LARP4: variants seen among roughly 807,000 people sequenced by gnomAD.
LARP4 encodes the protein La ribonucleoprotein 4.
In LARP4, 29 loss-of-function variants were observed where a neutral mutation model predicts 92.9. That is an observed-to-expected ratio of 0.31 (90% CI 0.23 to 0.43). LARP4 has a LOEUF of 0.43. Ranked by LOEUF, LARP4 falls within the 20% of genes least tolerant of loss-of-function variation. LARP4 has a pLI of 1.00. For missense variants in LARP4, 732 were observed against 860.0 expected (o/e 0.85, Z 1.86); for synonymous variants, 279 against 284.1 (o/e 0.98, Z 0.18).
chr12:50,437,785 C>T lies in LARP4; in HGVS notation c.586C>T (p.His196Tyr). Residue 196 changes from histidine (H) to tyrosine (Y), a missense_variant, in exon 6 of 16, where the codon CAT becomes TAT. His to Tyr is a moderately conservative substitution (Grantham distance 83). Around this residue, in one of 7 missense-constraint regions of LARP4, gnomAD observed 236 missense variants for 307.6 expected, o/e 0.77. Transcript: ENST00000398473. The stretch of plus-strand genomic sequence containing the variant: ...GAAGGGTGAGAAAGTGAGACCAAGT[C>T]ATAAGCGTTGTATTGTAATTCTTAG... Reference protein sequence around the residue: ...DEKGEKVRPSHKRCIVILREI... With the variant: ...DEKGEKVRPSYKRCIVILREI... The T allele has an allele frequency of 6.2e-7, 1 of 1,611,912 alleles. No individual in the cohort carries two copies. Among genetic ancestry groups the T allele is most frequent in the Non-Finnish European group, 8.5e-7 (1 of 1,178,412 alleles).
In LARP4 at chr12:50,461,199, G is replaced by C. The variant is rs376206501; in HGVS notation, c.1186G>C (p.Gly396Arg). Residue 396 changes from glycine (G) to arginine (R), a missense_variant, in exon 11 of 16, where the codon GGG (glycine) becomes CGG (arginine). This residue lies in a region of LARP4 where 264 missense variants were observed against 269.5 expected (regional missense o/e 0.98). Coordinates refer to ENST00000398473, the MANE Select transcript of LARP4 (RefSeq NM_052879.5). ...CTCAACAGAGGGCTCTGTATCCTTG[G>C]GGGATGGACAGTTGAACAGATATAG... ...EHSTEGSVSLGDGQLNRYSSR... is the reference protein window; with the variant it reads ...EHSTEGSVSLRDGQLNRYSSR... The C allele has an allele frequency of 1.3e-5, 21 of 1,614,054 alleles. No individual in the cohort carries two copies. Among genetic ancestry groups the C allele is most frequent in the Non-Finnish European group, 1.8e-5 (21 of 1,180,004 alleles).
intron 12 of LARP4, among the ~76,000 whole-genome samples, chr12:50,466,673 A>G (rs1187458736): frequency 3.3e-5 from 5 of 152,286 alleles, no homozygotes; most frequent in African/African-American, 1.2e-4. Context: ...AAGAAGGCAT[A>G]GCAAATTATG....
chr12:50,458,217 A>C (rs1954682657), intron 10 of LARP4, among the ~76,000 whole-genome samples: 1 of 151,826 alleles, frequency 6.6e-6, no homozygotes, highest in Non-Finnish European at 1.5e-5. Flanking sequence ...GGGGTTACAG[A>C]TATGAGCCAC....
chr12:50,470,219 TCA>T (rs768354273), intron 13 of LARP4, among the ~76,000 whole-genome samples: 21 of 4,560 alleles, frequency 4.6e-3, no homozygotes, highest in Non-Finnish European at 0.016. Flanking sequence ...GCAACCTGTC[TCA>T]AAAAAAAAAA....
At chr12:50,460,149 A>AAG (rs1565709379) in intron 10 of LARP4, among the ~76,000 whole-genome samples, 27 of 152,006 alleles carry the variant, frequency 1.8e-4, no homozygotes, top group African/African-American at 6.3e-4. Flanking sequence ...AAAAAAAAAA[A>AAG]AAGAAGAAGA....
At position 50,473,662 on chromosome 12, in the gene LARP4, T is replaced by A. The variant is rs551044090; in HGVS notation, c.1667+126T>A. On this transcript the variant is annotated intron_variant, in intron 14 of 15. Transcript: ENST00000398473. ...AGGTGAATCACCTGAGGTCGGGAGTTCAAGACCAGTCTGGCCAACATGGTG... is the reference window on the plus strand; with the variant it reads ...AGGTGAATCACCTGAGGTCGGGAGTACAAGACCAGTCTGGCCAACATGGTG... The A allele has an allele frequency of 4.6e-5, 40 of 876,132 alleles. 1 individual carries two copies. The Admixed American group carries it at 1.1e-3, about 23-fold the overall frequency. The allele number at this position is 876,132 out of a possible 1,614,324, so 54.3% of individuals were successfully genotyped here. A position where few individuals can be genotyped will look rare whatever the true frequency, so the allele number is the denominator to read the frequency against.
At chr12:50,440,583 C>A in intron 7 of LARP4, 34 bp downstream of exon 7, 1 of 1,402,040 alleles carries the variant, frequency 7.1e-7, no homozygotes. Flanking sequence ...ACAAGTCCAT[C>A]CTAGTGGCAA....
At chr12:50,404,322 C>T (rs1488040031) in intron 1 of LARP4, among the ~76,000 whole-genome samples, 1 of 152,174 alleles carries the variant, frequency 6.6e-6, no homozygotes, top group Non-Finnish European at 1.5e-5. Context: ...CAACCACCTA[C>T]TTGTATTGGA....
intron 13 of LARP4, among the ~76,000 whole-genome samples, chr12:50,471,550 G>A (rs1193626682): frequency 6.6e-6 from 1 of 152,194 alleles, no homozygotes; most frequent in Non-Finnish European, 1.5e-5. Context: ...TTGAGATGGA[G>A]TGTCGCTCTG....
intron 10 of LARP4, among the ~76,000 whole-genome samples, chr12:50,457,298 C>G: frequency 6.6e-6 from 1 of 151,052 alleles, no homozygotes; most frequent in African/African-American, 2.4e-5. Flanking sequence ...CGTCCGTCTC[C>G]CGGGTTCAAG....
At chr12:50,475,471 T>C in intron 15 of LARP4, 55 bp from the exon 16 acceptor site, 7 of 1,394,182 alleles carry the variant, frequency 5.0e-6, no homozygotes, top group Non-Finnish European at 6.9e-6. Flanking sequence ...ATTTTTATAC[T>C]TTATAATTTA....
In LARP4 at chr12:50,475,967, A is replaced by C; in HGVS notation, c.*103A>C. ...GGGAGGGGGTAGCCAGGAAGGAAACAAGAGAAAGTACGTCCATTTCATTAT... is the reference window on the plus strand; with the variant it reads ...GGGAGGGGGTAGCCAGGAAGGAAACCAGAGAAAGTACGTCCATTTCATTAT... On this transcript the variant is annotated 3_prime_UTR_variant, in exon 16 of 16. Coordinates refer to ENST00000398473, the MANE Select transcript of LARP4 (RefSeq NM_052879.5). 1 of 921,488 alleles carries C rather than the reference A, an allele frequency of 1.1e-6. No individual in the cohort carries two copies. Among genetic ancestry groups the C allele is most frequent in the Non-Finnish European group, 1.6e-6 (1 of 615,720 alleles). 57.1% of individuals were successfully genotyped at this position (921,488 alleles called of 1,614,324 possible).
At position 50,459,962 on chromosome 12, in the gene LARP4, C is replaced by G. The variant is rs143552437; in HGVS notation, c.1122-1173C>G. Among the ~76,000 whole-genome samples, 645 of 151,914 alleles carry G rather than the reference C, an allele frequency of 4.2e-3. 5 individuals carry two copies. Among genetic ancestry groups the G allele is most frequent in the African/African-American group, 0.015 (607 of 41,394 alleles). The stretch of plus-strand genomic sequence containing the variant: ...GACCAGCCTGGCCAACATGGCAAAA[C>G]CCTGTCTCTACTGAAAATACAAAAT... On this transcript the variant is annotated intron_variant, in intron 10 of 15. Transcript: ENST00000398473.
rs189613040 is a variant in LARP4, at chr12:50,446,523, G to T, written c.804+4880G>T. 2.6e-3 allele frequency among the ~76,000 whole-genome samples: 373 copies of T among 144,320 alleles called. 3 individuals are homozygous for T. The highest frequency in any genetic ancestry group is 7.6e-3 in the African/African-American group (292 of 38,368). The allele number at this position is 144,320 out of a possible 152,430, so 94.7% of individuals were successfully genotyped here. A position where few individuals can be genotyped will look rare whatever the true frequency, so the allele number is the denominator to read the frequency against. On this transcript the variant is annotated intron_variant, in intron 8 of 15. Transcript: ENST00000398473. ...GCTCACCAAAACCTCTGCCTCCTGG[G>T]TTTCAAGCGATTCTCCTGCCTCAGC... is the stretch of plus-strand genomic sequence containing the variant.
chr12:50,424,035 G>A (rs1051203337), intron 1 of LARP4, among the ~76,000 whole-genome samples: 4 of 152,086 alleles, frequency 2.6e-5, no homozygotes, highest in African/African-American at 7.2e-5. Flanking sequence ...CTGGAATTAC[G>A]GGCATGAGCC....
chr12:50,474,214 G>C, intron 15 of LARP4, 47 bp downstream of exon 15: 5 of 1,356,790 alleles, frequency 3.7e-6, no homozygotes, highest in Non-Finnish European at 5.1e-6. Flanking sequence ...CAATAGATTA[G>C]ATTTTTTTTT....
intron 1 of LARP4, chr12:50,401,393 T>G: frequency 4.5e-6 from 1 of 222,602 alleles, no homozygotes; most frequent in Non-Finnish European, 8.9e-6. Context: ...GTGGGCGCGT[T>G]CCGGGGGCCG....
At chr12:50,436,188 A>G (rs1037885303) in intron 5 of LARP4, among the ~76,000 whole-genome samples, 1 of 148,422 alleles carries the variant, frequency 6.7e-6, no homozygotes, top group Non-Finnish European at 1.5e-5. Flanking sequence ...ATATATATAT[A>G]TATATATCCC....
intron 1 of LARP4, among the ~76,000 whole-genome samples, chr12:50,415,985 GC>G (rs1946717004): frequency 1.3e-5 from 2 of 152,088 alleles, no homozygotes; most frequent in African/African-American, 4.8e-5. Flanking sequence ...AGGATTATAG[GC>G]GTGAGCCACC....
Sources: gnomAD v4.1 joint callset for allele counts (sites outside exome capture counted in the v4.1 genomes callset) on GRCh38, gnomAD v4.1.1 for gene constraint, gnomAD v4.1.1 regional missense constraint, MANE v1.5 for transcripts, NCBI Gene and HGNC (gene_info 2026-07-23, HGNC 2026-07-21) for gene names.